The following SOX13 variants were observed in gnomAD, a reference collection of about 807,000 sequenced individuals.
SOX13 encodes the protein transcription factor SOX-13.
Under a neutral mutation model 71.8 loss-of-function variants are expected in SOX13, and 28 were observed. The observed-to-expected ratio is 0.39, with a 90% CI of 0.29 to 0.53. The LOEUF (loss-of-function observed/expected upper bound fraction) is 0.53, where lower values mean the gene tolerates loss of function less well. Among genes scored for constraint, SOX13 ranks in the 20% least tolerant of loss-of-function variants. The pLI, the probability that SOX13 is intolerant of heterozygous loss-of-function variation, is 0.70. For synonymous variants in SOX13, 309 were observed against 317.8 expected, an observed-to-expected ratio of 0.97 and a Z score of 0.29; for missense variants, 627 against 810.3, an observed-to-expected ratio of 0.77 and a Z score of 2.75.
rs549336001 is a variant in SOX13 at position 204,081,077 on chromosome 1, A to C, written c.-2+7366A>C. 6.8e-4 allele frequency among the ~76,000 whole-genome samples: 103 copies of C among 151,818 alleles called. No individual in the cohort carries two copies. Among genetic ancestry groups the C allele is most frequent in the African/African-American group, 2.4e-3 (99 of 41,372 alleles). ...CAGGCATGCGCGACCATGCCTGGCT[A>C]ATTTTTTGTATTTTTAGTAGAGACG... On this transcript the variant is annotated intron_variant, in intron 1 of 13. Coordinates refer to ENST00000367204, the MANE Select transcript of SOX13 (RefSeq NM_005686.3). The surrounding 1 kb of genome is among the most constrained non-coding windows in gnomAD (Gnocchi z 4.3).
chr1:204,107,015 G>T (rs1449686032), intron 1 of SOX13, among the ~76,000 whole-genome samples: 2 of 152,158 alleles, frequency 1.3e-5, no homozygotes, highest in Non-Finnish European at 2.9e-5. Flanking sequence ...CTTGCCCAAG[G>T]TTGCACAGCA....
At chr1:204,110,117 C>T (rs1571585068) in intron 1 of SOX13, among the ~76,000 whole-genome samples, 2 of 152,072 alleles carry the variant, frequency 1.3e-5, no homozygotes, top group South Asian at 2.1e-4. Flanking sequence ...CAGGCATGAG[C>T]CGCCGCGTCT....
chr1:204,073,168 C>T lies in SOX13; in HGVS notation c.-545C>T, dbSNP rs1363542158. 6.6e-6 allele frequency: 1 copy of T among 152,306 alleles called. No individual in the cohort carries two copies. The highest frequency in any genetic ancestry group is 1.5e-5 in the Non-Finnish European group (1 of 68,212). The allele number at this position is 152,306 out of a possible 1,614,324, so 9.4% of individuals were successfully genotyped here. On this transcript the variant is annotated 5_prime_UTR_variant, in exon 1 of 14. Transcript: ENST00000367204. The surrounding 1 kb of genome is among the most constrained non-coding windows in gnomAD (Gnocchi z 6.8). ...GCCCTTCTCCAGTCCCGGCTTGGAACTGAACTGTGTGAGCACGGGTCCTGG... is the reference window on the plus strand; with the variant it reads ...GCCCTTCTCCAGTCCCGGCTTGGAATTGAACTGTGTGAGCACGGGTCCTGG...
intron 1 of SOX13, among the ~76,000 whole-genome samples, chr1:204,088,803 A>G (rs1656077069): frequency 6.6e-6 from 1 of 152,130 alleles, no homozygotes; most frequent in Non-Finnish European, 1.5e-5. Flanking sequence ...AGGGATCAGG[A>G]CACCATGCCT....
chr1:204,085,363 A>C (rs981036438), intron 1 of SOX13, among the ~76,000 whole-genome samples: 2 of 152,220 alleles, frequency 1.3e-5, no homozygotes, highest in African/African-American at 4.8e-5. Context: ...GTATAGAGAA[A>C]GGATGTAAAA....
At chr1:204,087,342 G>T (rs994213333) in intron 1 of SOX13, among the ~76,000 whole-genome samples, 1 of 152,228 alleles carries the variant, frequency 6.6e-6, no homozygotes, top group Non-Finnish European at 1.5e-5. Context: ...TCAGGTGCCT[G>T]CCTTCCCAGG....
At position 204,081,189 on chromosome 1, in the gene SOX13, A is replaced by G. The variant is rs1279661004; in HGVS notation, c.-2+7478A>G. Among the ~76,000 whole-genome samples, 4 of 152,176 alleles carry G rather than the reference A, an allele frequency of 2.6e-5. No individual in the cohort carries two copies. The highest frequency in any genetic ancestry group is 9.7e-5 in the African/African-American group (4 of 41,440). ...TGGCCTCCCGAAGTGCTGGGATTAC[A>G]GGCATGAGCCACCACTCCCAGCCAT... is the stretch of plus-strand genomic sequence containing the variant. On this transcript the variant is annotated intron_variant, in intron 1 of 13. Transcript: ENST00000367204. The surrounding 1 kb of genome is among the most constrained non-coding windows in gnomAD (Gnocchi z 4.3).
At chr1:204,119,591 G>T (rs974198222) in intron 7 of SOX13, 3 of 152,158 alleles carry the variant, frequency 2.0e-5, no homozygotes, top group African/African-American at 7.2e-5. Flanking sequence ...ATAGCATTCT[G>T]CCCCAGACTC....
At chr1:204,106,312 A>C (rs1020314884) in intron 1 of SOX13, among the ~76,000 whole-genome samples, 2 of 152,160 alleles carry the variant, frequency 1.3e-5, no homozygotes, top group African/African-American at 4.8e-5. Context: ...AGAGAGCAGG[A>C]GCTGTCTAAT....
intron 1 of SOX13, among the ~76,000 whole-genome samples, chr1:204,094,984 A>G (rs921195146): frequency 6.6e-6 from 1 of 152,064 alleles, no homozygotes; most frequent in South Asian, 2.1e-4. Flanking sequence ...TCCTCTTCCC[A>G]AGTGGCCCCC....
chr1:204,124,609 A>G, intron 12 of SOX13, 32 bp from the exon 13 acceptor site: 2 of 1,577,072 alleles, frequency 1.3e-6, no homozygotes, highest in Non-Finnish European at 1.7e-6. Context: ...AGAGCCCAGC[A>G]CTGACTGCCT....
At chr1:204,099,396 ATGT>A (rs1656315034) in intron 1 of SOX13, among the ~76,000 whole-genome samples, 1 of 142,810 alleles carries the variant, frequency 7.0e-6, no homozygotes, top group South Asian at 2.2e-4. Flanking sequence ...GGCTCAAATC[ATGT>A]TGGTGTCTCA....
chr1:204,091,494 G>C (rs748439461), intron 1 of SOX13, among the ~76,000 whole-genome samples: 9 of 152,144 alleles, frequency 5.9e-5, no homozygotes, highest in African/African-American at 1.4e-4. Flanking sequence ...TATGTGAAAG[G>C]CACTGGGCAA....
rs1229855249 is a variant in SOX13 at position 204,122,914 on chromosome 1, A to G, written c.1085A>G (p.His362Arg). 1.3e-6 allele frequency: 2 copies of G among 1,589,536 alleles called. No homozygotes were observed. Among genetic ancestry groups the G allele is most frequent in the East Asian group, 2.3e-5 (1 of 43,322 alleles). ...ATCCAGGATGCTCGGCAGCTGCTGC[A>G]CAGCCACAGTGGGGCCTTGGATGGC... The part of the protein sequence containing the change: ...KAIQDARQLL[H>R]SHSGALDGSP... The change falls in exon 10 of 14, where the codon CAC becomes CGC. Residue 362 changes from histidine (H) to arginine (R), a missense_variant. His to Arg is a conservative substitution (Grantham distance 29, BLOSUM62 0). Around this residue, in one of 3 missense-constraint regions of SOX13, gnomAD observed 447 missense variants for 532.2 expected, o/e 0.84. Transcript: ENST00000367204.
chr1:204,096,616 C>T (rs1200548523), intron 1 of SOX13, among the ~76,000 whole-genome samples: 1 of 151,676 alleles, frequency 6.6e-6, no homozygotes, highest in Non-Finnish European at 1.5e-5. Flanking sequence ...GGGGTTTCAC[C>T]ATGTTGGCCA....
At chr1:204,107,688 G>A (rs1409853953) in intron 1 of SOX13, among the ~76,000 whole-genome samples, 3 of 152,036 alleles carry the variant, frequency 2.0e-5, no homozygotes, top group Non-Finnish European at 2.9e-5. Context: ...GGTACCCAGG[G>A]ACCCTCTCCC....
At chr1:204,087,477 A>T (rs935069963) in intron 1 of SOX13, among the ~76,000 whole-genome samples, 1 of 151,996 alleles carries the variant, frequency 6.6e-6, no homozygotes, top group Non-Finnish European at 1.5e-5. Flanking sequence ...ACCTTTTCTT[A>T]TGGGAGCACC....
intron 1 of SOX13, among the ~76,000 whole-genome samples, chr1:204,105,380 A>C (rs962880223): frequency 6.7e-6 from 1 of 150,048 alleles, no homozygotes; most frequent in African/African-American, 2.5e-5. Context: ...TTAGCGCCCC[A>C]GCTGGCTGAA....
At chr1:204,105,237 G>A (rs1279510423) in intron 1 of SOX13, among the ~76,000 whole-genome samples, 4 of 152,184 alleles carry the variant, frequency 2.6e-5, no homozygotes, top group Admixed American at 2.6e-4. Context: ...GATGGCTGGA[G>A]CCCTCTCCTT....
Sources: allele counts gnomAD v4.1 joint callset (sites outside exome capture counted in the v4.1 genomes callset), GRCh38; gene constraint gnomAD v4.1.1; regional missense constraint gnomAD v4.1.1; non-coding constraint Gnocchi (gnomAD v3.1); transcripts MANE v1.5; gene names NCBI Gene and HGNC (gene_info 2026-07-23, HGNC 2026-07-21).